Variants in DYM observed in about 807,000 individuals in gnomAD.
DYM encodes dyggve-Melchior-Clausen syndrome protein.
DYM carries 78 observed loss-of-function variants against 93.1 expected under a neutral mutation model. That is an observed-to-expected ratio of 0.84 (90% CI 0.70 to 1.01). DYM has a LOEUF of 1.01. Ranked by LOEUF, DYM falls within the 50% of genes least tolerant of loss-of-function variation. The pLI, the probability that DYM is intolerant of heterozygous loss-of-function variation, is 0.00. For missense variants in DYM, 789 were observed against 845.0 expected (o/e 0.93, Z 0.82); for synonymous variants, 321 against 319.7 (o/e 1.00, Z -0.04).
At chr18:49,404,865 T>C (rs2071277494) in intron 2 of DYM, among the ~76,000 whole-genome samples, 1 of 151,812 alleles carries the variant, frequency 6.6e-6, no homozygotes, top group Non-Finnish European at 1.5e-5. Context: ...ATACAAAAAT[T>C]AGCCAGGCAT....
chr18:49,085,373 T>A (rs1943663069), intron 17 of DYM, among the ~76,000 whole-genome samples: 1 of 152,214 alleles, frequency 6.6e-6, no homozygotes, highest in Non-Finnish European at 1.5e-5. Context: ...TGTGCAAAGA[T>A]CATTTCTAGA....
At chr18:49,074,589 C>T (rs115795164) in intron 17 of DYM, among the ~76,000 whole-genome samples, 1,639 of 152,202 alleles carry the variant, frequency 0.011, 28 homozygotes, top group African/African-American at 0.038. Flanking sequence ...AAAATCAAAA[C>T]GTTTGATTCA....
intron 17 of DYM, among the ~76,000 whole-genome samples, chr18:49,053,533 A>T (rs1318188675): frequency 1.3e-5 from 2 of 152,194 alleles, no homozygotes; most frequent in African/African-American, 4.8e-5. Context: ...GCTGGTCGCA[A>T]GGCAGACCAG....
At chr18:49,281,386 T>C (rs1018933529) in intron 10 of DYM, among the ~76,000 whole-genome samples, 1 of 152,158 alleles carries the variant, frequency 6.6e-6, no homozygotes, top group Non-Finnish European at 1.5e-5. Context: ...ATTGTGGAAG[T>C]CAGTGTGGCA....
rs2337546 is a variant in DYM, at chr18:49,320,482, A to T, written c.763+11382T>A. ...GTGATTCTATTTATTTATTATTATT[A>T]TTTTTTAATCAAGACAGAGTCTCGC... On this transcript the variant is annotated intron_variant, in intron 8 of 17. Transcript: ENST00000675505. Among the ~76,000 whole-genome samples the T allele has an allele frequency of 5.4e-3, 827 of 152,140 alleles. 14 individuals are homozygous for T. Among genetic ancestry groups the T allele is most frequent in the African/African-American group, 0.019 (797 of 41,524 alleles).
intron 13 of DYM, among the ~76,000 whole-genome samples, chr18:49,235,278 C>T (rs1170549173): frequency 1.3e-5 from 2 of 152,166 alleles, no homozygotes; most frequent in African/African-American, 2.4e-5. Flanking sequence ...TGGACTTTAC[C>T]TGGAGATAGA....
In DYM at chr18:49,038,075, T is replaced by C. The variant is rs1269151121; in HGVS notation, c.*5980A>G. Among the ~76,000 whole-genome samples, 1 of 152,222 alleles carries C rather than the reference T, an allele frequency of 6.6e-6. No homozygotes were observed. The highest frequency in any genetic ancestry group is 1.5e-5 in the Non-Finnish European group (1 of 68,046). On this transcript the variant is annotated 3_prime_UTR_variant, in exon 18 of 18. Coordinates refer to ENST00000675505, the MANE Select transcript of DYM (RefSeq NM_001353214.3). ...CCTGGGCTCAAGTGATCTTCCTGACTTGGCCTCTCAAAGTGCTAGTATTAC... is the reference window on the plus strand; with the variant it reads ...CCTGGGCTCAAGTGATCTTCCTGACCTGGCCTCTCAAAGTGCTAGTATTAC...
intron 7 of DYM, among the ~76,000 whole-genome samples, chr18:49,332,888 C>A (rs2063410170): frequency 6.6e-6 from 1 of 152,206 alleles, no homozygotes; most frequent in African/African-American, 2.4e-5. Flanking sequence ...GATGCCAGCA[C>A]TACTTCAAAC....
At chr18:49,127,362 T>A (rs1045230511) in intron 15 of DYM, among the ~76,000 whole-genome samples, 2 of 152,218 alleles carry the variant, frequency 1.3e-5, no homozygotes, top group Non-Finnish European at 2.9e-5. Flanking sequence ...TGTGGGAATA[T>A]TTTACCTTGT....
At chr18:49,218,332 A>G (rs1270972233) in intron 13 of DYM, among the ~76,000 whole-genome samples, 2 of 152,234 alleles carry the variant, frequency 1.3e-5, no homozygotes, top group Admixed American at 1.3e-4. Context: ...CACTGTCAAC[A>G]TTAGACAGAT....
At chr18:49,216,701 T>G (rs1026868481) in intron 13 of DYM, among the ~76,000 whole-genome samples, 6 of 151,998 alleles carry the variant, frequency 3.9e-5, no homozygotes, top group African/African-American at 7.3e-5. Flanking sequence ...GTCCTGTCTG[T>G]TAGAAGGAAA....
chr18:49,445,476 C>T (rs76175627), intron 1 of DYM, among the ~76,000 whole-genome samples: 1 of 151,006 alleles, frequency 6.6e-6, no homozygotes, highest in Non-Finnish European at 1.5e-5. Flanking sequence ...AACAAAAGAA[C>T]GGAGAAAAGA....
Position 49,046,197 on chromosome 18 carries a change from CAT to C in DYM, c.2026-1995_2026-1994del, listed in dbSNP as rs567787552. Among the ~76,000 whole-genome samples, 183 of 149,910 alleles carry C rather than the reference CAT, an allele frequency of 1.2e-3. 1 individual carries two copies. The highest frequency in any genetic ancestry group is 3.5e-3 in the African/African-American group (141 of 40,670). ...CAGATAAAACACACAGACACGCACACATAGACACACACACCACAGACTCACAC... is the reference window on the plus strand; with the variant it reads ...CAGATAAAACACACAGACACGCACACAGACACACACACCACAGACTCACAC... On this transcript the variant is annotated intron_variant, in intron 17 of 17. Transcript: ENST00000675505.
chr18:49,208,182 CAA>C (rs138264681), intron 14 of DYM, among the ~76,000 whole-genome samples: 25 of 58,290 alleles, frequency 4.3e-4, no homozygotes, highest in Non-Finnish European at 5.7e-4. Context: ...GACTCCATCT[CAA>C]AAAAAAAAAA....
Position 49,414,629 on chromosome 18 carries a change from A to G in DYM, c.140+15626T>C, listed in dbSNP as rs530677680. Among the ~76,000 whole-genome samples the G allele has an allele frequency of 2.0e-5, 3 of 152,256 alleles. No homozygotes were observed. In the South Asian group the frequency reaches 6.2e-4, roughly 32 times the overall value. On this transcript the variant is annotated intron_variant, in intron 2 of 17. Transcript: ENST00000675505. ...AACTTACTTCCACTTCAGCCTCTTTACACTCGCTGCCCCTCTACCTGGAAT... is the reference window on the plus strand; with the variant it reads ...AACTTACTTCCACTTCAGCCTCTTTGCACTCGCTGCCCCTCTACCTGGAAT...
chr18:49,196,174 C>T (rs899781583), intron 14 of DYM, among the ~76,000 whole-genome samples: 1 of 152,054 alleles, frequency 6.6e-6, no homozygotes, highest in Non-Finnish European at 1.5e-5. Flanking sequence ...GATCCACCCG[C>T]CTTGGCCTTC....
chr18:49,052,338 G>A (rs1016394168), intron 17 of DYM, among the ~76,000 whole-genome samples: 1 of 152,232 alleles, frequency 6.6e-6, no homozygotes, highest in East Asian at 1.9e-4. Flanking sequence ...AGCATGGTTT[G>A]AGACTTAAAT....
intron 6 of DYM, among the ~76,000 whole-genome samples, chr18:49,357,766 C>T (rs1328114501): frequency 6.6e-6 from 1 of 152,122 alleles, no homozygotes; most frequent in African/African-American, 2.4e-5. Context: ...CACAAGAGCC[C>T]TTGTTTTCAT....
chr18:49,201,083 C>T (rs2091950445), intron 14 of DYM, among the ~76,000 whole-genome samples: 1 of 152,140 alleles, frequency 6.6e-6, no homozygotes, highest in African/African-American at 2.4e-5. Context: ...AAAAATCATT[C>T]TTTTACCAAC....
Sources: gnomAD v4.1 joint callset for allele counts (sites outside exome capture counted in the v4.1 genomes callset) on GRCh38, gnomAD v4.1.1 for gene constraint, MANE v1.5 for transcripts, NCBI Gene and HGNC (gene_info 2026-07-23, HGNC 2026-07-21) for gene names.